The following TMEM19 variants were observed in gnomAD, a reference collection of about 807,000 sequenced individuals.
TMEM19 encodes the protein transmembrane protein 19.
Under a neutral mutation model 33.6 loss-of-function variants are expected in TMEM19, and 21 were observed. The ratio of observed to expected loss-of-function variants is 0.62; its 90% CI spans 0.44 to 0.90. The LOEUF (loss-of-function observed/expected upper bound fraction) is 0.90. Ranked by LOEUF, TMEM19 falls within the 40% of genes least tolerant of loss-of-function variation. The pLI is 0.00. For missense variants in TMEM19, 402 were observed against 401.8 expected (o/e 1.00, Z 0.00); for synonymous variants, 149 against 147.5 (o/e 1.01, Z -0.07).
rs141215024 is a variant in TMEM19, at chr12:71,692,209, A to G, written c.244+2505A>G. ...ATATTTTTATACGTGAATGACTATTAAATTGGCATTGCCACAAACATTTCT... is the reference window on the plus strand; with the variant it reads ...ATATTTTTATACGTGAATGACTATTGAATTGGCATTGCCACAAACATTTCT... On this transcript the variant is annotated intron_variant, in intron 2 of 5. Transcript: ENST00000266673. Among the ~76,000 whole-genome samples, 1,273 of 152,308 alleles carry G rather than the reference A, an allele frequency of 8.4e-3. 19 individuals are homozygous for G. The highest frequency in any genetic ancestry group is 0.028 in the African/African-American group (1,174 of 41,562).
Position 71,703,539 on chromosome 12 carries a change from G to C in TMEM19, c.*2544G>C, listed in dbSNP as rs1456448704. The stretch of plus-strand genomic sequence containing the variant: ...TGTCTTTGAATTTAGTAGAATCACT[G>C]TATCATTAACAGTTTGGGGAAGTAC... On this transcript the variant is annotated 3_prime_UTR_variant, in exon 6 of 6. Transcript: ENST00000266673. 1 of 152,626 alleles carries C rather than the reference G, an allele frequency of 6.6e-6. No homozygotes were observed. The highest frequency in any genetic ancestry group is 1.5e-5 in the Non-Finnish European group (1 of 68,374). 9.5% of individuals were successfully genotyped at this position (152,626 alleles called of 1,614,324 possible).
intron 2 of TMEM19, among the ~76,000 whole-genome samples, chr12:71,691,263 G>A (rs1392321365): frequency 6.6e-6 from 1 of 152,010 alleles, no homozygotes; most frequent in Non-Finnish European, 1.5e-5. Flanking sequence ...AAGTTAACTA[G>A]ACATACTGAT....
Position 71,700,989 on chromosome 12 carries a change from G to T in TMEM19, c.1005G>T (p.Arg335Ser), listed in dbSNP as rs773637464. 1 of 1,606,332 alleles carries T rather than the reference G, an allele frequency of 6.2e-7. No homozygotes were observed. The highest frequency in any genetic ancestry group is 8.5e-7 in the Non-Finnish European group (1 of 1,176,712). Residue 335 changes from arginine to serine, a missense_variant, in exon 6 of 6, where the codon AGG becomes AGT. Transcript: ENST00000266673. ...CTGCTGCTTGGGGTTTTTGGCCCAG[G>T]GGGTGAACTTTATTTCATTTCCACA... ...LPTAAWGFWP[R>S]G
chr12:71,691,210 T>C (rs1881779612), intron 2 of TMEM19, among the ~76,000 whole-genome samples: 1 of 152,234 alleles, frequency 6.6e-6, no homozygotes, highest in South Asian at 2.1e-4. Context: ...GTTTAAGTTA[T>C]ATTGTGAGAT....
chr12:71,689,844 T>C, intron 2 of TMEM19, 140 bp downstream of exon 2: 1 of 631,224 alleles, frequency 1.6e-6, no homozygotes, highest in Non-Finnish European at 2.7e-6. Context: ...AAGTTACATC[T>C]TGCTCAGCAT....
intron 2 of TMEM19, among the ~76,000 whole-genome samples, chr12:71,692,649 T>C (rs1002470601): frequency 1.3e-5 from 2 of 152,172 alleles, no homozygotes; most frequent in Admixed American, 6.6e-5. Context: ...AAATATAATA[T>C]GCATGTTTCT....
Position 71,696,537 on chromosome 12 carries a change from G to GA in TMEM19, c.348dup (p.Val117SerfsTer10). 1 of 1,611,136 alleles carries GA rather than the reference G, an allele frequency of 6.2e-7. No homozygotes were observed. Among genetic ancestry groups the GA allele is most frequent in the Non-Finnish European group, 8.5e-7 (1 of 1,178,432 alleles). On this transcript the variant is annotated frameshift_variant, in exon 3 of 6. Coordinates refer to ENST00000266673, the MANE Select transcript of TMEM19 (RefSeq NM_018279.4). LOFTEE classifies it high-confidence loss of function. ...TTCGAAACTCACTAAATGGAAGGGA[G>GA]AAGTGAAGAAGCGTCTAGATTCAGA... is the stretch of plus-strand genomic sequence containing the variant.
At position 71,697,442 on chromosome 12, in the gene TMEM19, G is replaced by C. The variant is rs1263577662; in HGVS notation, c.545G>C (p.Cys182Ser). ...TTGTCTCTCTTGGCTGCACTGGCCT[G>C]CTCTGCTGGAGACACATGGGCTTCA... ...MCLSLLAALA[C>S]SAGDTWASEV... The change falls in exon 4 of 6, where the codon TGC becomes TCC. Residue 182 changes from cysteine (C) to serine (S), a missense_variant. Physicochemically the swap from Cys to Ser is moderately radical, Grantham distance 112. Transcript: ENST00000266673. The C allele has an allele frequency of 1.2e-6, 2 of 1,610,520 alleles. No individual in the cohort carries two copies. The highest frequency in any genetic ancestry group is 1.7e-6 in the Non-Finnish European group (2 of 1,178,818).
rs1375355322 is a variant in TMEM19, at chr12:71,697,342, C to T, written c.445C>T (p.Leu149=). 1 of 1,611,874 alleles carries T rather than the reference C, an allele frequency of 6.2e-7. No individual in the cohort carries two copies. Among genetic ancestry groups the T allele is most frequent in the Non-Finnish European group, 8.5e-7 (1 of 1,179,246 alleles). ...AGCTGTACCCACAGAACTGGCCCTG[C>T]TGTACATGATAGAAAATGGCCCCGG... ...NGAVPTELAL[L]YMIENGPGEI... is the part of the protein sequence containing the mutation. The change falls in exon 4 of 6, where the codon CTG becomes TTG. Residue 149 remains leucine, a synonymous_variant. Coordinates refer to ENST00000266673, the MANE Select transcript of TMEM19 (RefSeq NM_018279.4).
At chr12:71,696,349 T>C in intron 2 of TMEM19, 87 bp from the exon 3 acceptor site, 1 of 1,227,936 alleles carries the variant, frequency 8.1e-7, no homozygotes, top group Non-Finnish European at 1.1e-6. Context: ...GGTTATAATA[T>C]AAAAATAATG....
In TMEM19 at chr12:71,686,779, G is replaced by T; in HGVS notation, c.99G>T (p.Trp33Cys). 6.2e-7 allele frequency: 1 copy of T among 1,612,294 alleles called. No homozygotes were observed. The change falls in exon 1 of 6, where the codon TGG becomes TGT. Residue 33 changes from tryptophan to cysteine, a missense_variant. By Grantham distance (215) the Trp-to-Cys change is radical (BLOSUM62 -2). Coordinates refer to ENST00000266673, the MANE Select transcript of TMEM19 (RefSeq NM_018279.4). ...TCATTTGCATTTCGTTAGCTTTCTG[G>T]ATTATATCAATGACTGCAAGCACCT... is the stretch of plus-strand genomic sequence containing the variant. ...SLIICISLAFWIISMTASTYY... is the reference protein window; with the variant it reads ...SLIICISLAFCIISMTASTYY...
At position 71,697,396 on chromosome 12, in the gene TMEM19, T is replaced by C; in HGVS notation, c.499T>C (p.Tyr167His). ...GEIPVDFSKQ[Y>H]SASWMCLSLL... ...AATCCCAGTCGATTTTTCCAAGCAG[T>C]ACTCCGCTTCCTGGATGTGTTTGTC... Residue 167 changes from tyrosine (Y) to histidine (H), a missense_variant, in exon 4 of 6, where the codon TAC becomes CAC. Transcript: ENST00000266673. The C allele has an allele frequency of 3.1e-6, 5 of 1,611,418 alleles. No homozygotes were observed. Among genetic ancestry groups the C allele is most frequent in the Non-Finnish European group, 4.2e-6 (5 of 1,178,992 alleles).
At chr12:71,697,252 T>A (rs529606674) in intron 3 of TMEM19, 28 bp from the exon 4 acceptor site, 1 of 1,555,804 alleles carries the variant, frequency 6.4e-7, no homozygotes, top group African/African-American at 1.6e-5. Flanking sequence ...GAATCATTTG[T>A]TTGTCCTTTT....
intron 2 of TMEM19, among the ~76,000 whole-genome samples, chr12:71,694,457 G>A (rs910886542): frequency 4.6e-5 from 7 of 152,174 alleles, no homozygotes; most frequent in African/African-American, 1.7e-4. Context: ...GTTGATTAGA[G>A]CCTAGAAAAC....
intron 5 of TMEM19, chr12:71,699,509 G>A (rs888597497): frequency 1.2e-5 from 3 of 249,808 alleles, no homozygotes; most frequent in African/African-American, 4.5e-5. Context: ...TTCTTACTGT[G>A]GTATCATGCT....
chr12:71,686,483 C>A lies in TMEM19; in HGVS notation c.-198C>A. The A allele has an allele frequency of 2.0e-6, 1 of 507,618 alleles. No homozygotes were observed. Among genetic ancestry groups the A allele is most frequent in the Non-Finnish European group, 3.3e-6 (1 of 299,630 alleles). The allele number at this position is 507,618 out of a possible 1,614,324, so 31.4% of individuals were successfully genotyped here. A position where few individuals can be genotyped will look rare whatever the true frequency, so the allele number is the denominator to read the frequency against. On this transcript the variant is annotated 5_prime_UTR_variant, in exon 1 of 6. Coordinates refer to ENST00000266673, the MANE Select transcript of TMEM19 (RefSeq NM_018279.4). ...TTTTGCGGTGAGGCGTTGACCACGC[C>A]CATATGAATTGGAGCTCTCCGCCAG...
At chr12:71,691,681 A>T (rs1234013361) in intron 2 of TMEM19, among the ~76,000 whole-genome samples, 2 of 150,044 alleles carry the variant, frequency 1.3e-5, no homozygotes, top group Non-Finnish European at 3.0e-5. Context: ...CCAACTACAC[A>T]GGAGGCTGAT....
At position 71,701,255 on chromosome 12, in the gene TMEM19, C is replaced by A; in HGVS notation, c.*260C>A. 3.3e-6 allele frequency: 1 copy of A among 300,000 alleles called. No homozygotes were observed. The allele number at this position is 300,000 out of a possible 1,614,324, so 18.6% of individuals were successfully genotyped here. A position where few individuals can be genotyped will look rare whatever the true frequency, so the allele number is the denominator to read the frequency against. ...GTCTTGAGCAATGAAGCTATATTGT[C>A]CCTACATATTACTATATATTGAACT... On this transcript the variant is annotated 3_prime_UTR_variant, in exon 6 of 6. Transcript: ENST00000266673.
chr12:71,697,123 A>T (rs550143260), intron 3 of TMEM19, among the ~76,000 whole-genome samples, 157 bp from the exon 4 acceptor site: 4 of 152,244 alleles, frequency 2.6e-5, no homozygotes, highest in African/African-American at 7.2e-5. Context: ...TAATAACAGT[A>T]TAAAATCTGG....
Sources: gnomAD v4.1 joint callset for allele counts (sites outside exome capture counted in the v4.1 genomes callset) on GRCh38, gnomAD v4.1.1 for gene constraint, MANE v1.5 for transcripts, NCBI Gene and HGNC (gene_info 2026-07-23, HGNC 2026-07-21) for gene names.